Variants in ERICH5 observed in about 807,000 individuals in gnomAD.
ERICH5 encodes glutamate rich 5.
In ERICH5, 24 loss-of-function variants were observed where a neutral mutation model predicts 28.0. The observed-to-expected ratio is 0.86, with a 90% CI of 0.62 to 1.21. The LOEUF is 1.21. Ranked by LOEUF, ERICH5 falls within the 50% of genes most tolerant of loss-of-function variation. ERICH5 has a pLI of 0.00. For missense variants in ERICH5, 421 were observed against 441.2 expected (o/e 0.95, Z 0.41); for synonymous variants, 163 against 157.6 (o/e 1.03, Z -0.25).
chr8:98,082,660 A>G (rs1005044123), intron 1 of ERICH5, among the ~76,000 whole-genome samples: 1 of 151,276 alleles, frequency 6.6e-6, no homozygotes, highest in Non-Finnish European at 1.5e-5. Context: ...AAAAAAAAAA[A>G]GAATGAAAAT....
chr8:98,070,634 T>G (rs1319079532), intron 1 of ERICH5, among the ~76,000 whole-genome samples: 1 of 86,948 alleles, frequency 1.2e-5, no homozygotes, highest in African/African-American at 4.7e-5. Flanking sequence ...CACTCCAGCC[T>G]GGGCAACAAG....
intron 1 of ERICH5, among the ~76,000 whole-genome samples, chr8:98,072,945 C>CT (rs1188313095): frequency 6.6e-6 from 1 of 151,966 alleles, no homozygotes; most frequent in Non-Finnish European, 1.5e-5. Flanking sequence ...CACAGAGTTT[C>CT]TTTTTTGCTA....
chr8:98,071,039 G>T (rs1239730411), intron 1 of ERICH5, among the ~76,000 whole-genome samples: 1 of 152,066 alleles, frequency 6.6e-6, no homozygotes, highest in Non-Finnish European at 1.5e-5. Flanking sequence ...CGAGGCAGGT[G>T]GATCACCTGA....
At chr8:98,064,823 C>A in intron 1 of ERICH5, 96 bp downstream of exon 1, 2 of 957,388 alleles carry the variant, frequency 2.1e-6, no homozygotes, top group Non-Finnish European at 1.5e-6. Context: ...GGCCACCCCG[C>A]CTGGCAGGAG....
intron 1 of ERICH5, among the ~76,000 whole-genome samples, chr8:98,067,192 C>G (rs1033816716): frequency 1.3e-5 from 2 of 152,118 alleles, no homozygotes; most frequent in Non-Finnish European, 2.9e-5. Flanking sequence ...CCCAATGGCT[C>G]TGGAGGCTGA....
intron 1 of ERICH5, among the ~76,000 whole-genome samples, chr8:98,085,923 A>G (rs1016937477): frequency 6.6e-6 from 1 of 152,168 alleles, no homozygotes. Context: ...TTGTTAGATT[A>G]CTGCTTCTGA....
chr8:98,092,026 T>TTCCTTCCTTCCTTCCTTCCTTC (rs1412455600), intron 2 of ERICH5, among the ~76,000 whole-genome samples: 599 of 9,260 alleles, frequency 0.065, 16 homozygotes, highest in Non-Finnish European at 0.11. Flanking sequence ...TTCCTTCCTT[T>TTCCTTCCTTCCTTCCTTCCTTC]CGAGACAAGA....
chr8:98,072,954 T>C (rs1814945302), intron 1 of ERICH5, among the ~76,000 whole-genome samples: 1 of 152,204 alleles, frequency 6.6e-6, no homozygotes, highest in African/African-American at 2.4e-5. Context: ...TCTTTTTTGC[T>C]AATTTCCTTT....
intron 1 of ERICH5, among the ~76,000 whole-genome samples, chr8:98,073,511 T>A (rs1184199727): frequency 1.7e-4 from 1 of 6,050 alleles, no homozygotes; most frequent in African/African-American, 8.7e-4. Context: ...TATATATATA[T>A]ATATGTATAT....
In ERICH5 at chr8:98,076,494, C is replaced by A. The variant is rs74437317; in HGVS notation, c.58+11767C>A. ...CTTGGGAAAAAATCTCACTCCCCAG[C>A]GTGGAGCTCACTTAAACCAGCTCAG... On this transcript the variant is annotated intron_variant, in intron 1 of 2. Transcript: ENST00000318528. Among the ~76,000 whole-genome samples, 514 of 151,860 alleles carry A rather than the reference C, an allele frequency of 3.4e-3. 5 individuals are homozygous for A. The highest frequency in any genetic ancestry group is 3.7e-3 in the Non-Finnish European group (251 of 67,966).
chr8:98,087,174 C>T (rs1393169490), intron 1 of ERICH5, among the ~76,000 whole-genome samples: 2 of 152,002 alleles, frequency 1.3e-5, no homozygotes, highest in Non-Finnish European at 2.9e-5. Context: ...CCACGTGGGA[C>T]CACATCTCTA....
At position 98,064,693 on chromosome 8, in the gene ERICH5, C is replaced by T. The variant is rs1386797168; in HGVS notation, c.24C>T (p.Leu8=). 1.3e-6 allele frequency: 2 copies of T among 1,536,678 alleles called. No homozygotes were observed. The highest frequency in any genetic ancestry group is 1.7e-6 in the Non-Finnish European group (2 of 1,144,056). The part of the protein sequence containing the change: MGCSSSA[L]NKAGDSSRFP... The stretch of plus-strand genomic sequence containing the variant: ...CAATGGGCTGCTCCAGCAGCGCCCT[C>T]AACAAGGCCGGCGACAGCAGCAGGT... Residue 8 remains leucine, a synonymous_variant, in exon 1 of 3, where the codon CTC becomes CTT. Transcript: ENST00000318528.
chr8:98,080,673 C>T (rs951388858), intron 1 of ERICH5, among the ~76,000 whole-genome samples: 2 of 149,738 alleles, frequency 1.3e-5, no homozygotes, highest in African/African-American at 2.5e-5. Context: ...TTCTCCTTCT[C>T]CTTCTTCTTC....
In ERICH5 at chr8:98,089,418, C is replaced by G. The variant is rs1815341967; in HGVS notation, c.401C>G (p.Ala134Gly). Residue 134 changes from alanine (A) to glycine (G), a missense_variant, in exon 2 of 3, where the codon GCA (alanine) becomes GGA (glycine). By Grantham distance (60) the Ala-to-Gly change is moderately conservative. Coordinates refer to ENST00000318528, the MANE Select transcript of ERICH5 (RefSeq NM_173549.3). The part of the protein sequence containing the change: ...APAAEGKKKD[A>G]GAGTEAESLK... ...GCAGCAGAAGGAAAGAAGAAAGATG[C>G]AGGAGCAGGGACAGAGGCCGAGTCT... 6.2e-7 allele frequency: 1 copy of G among 1,614,194 alleles called. No homozygotes were observed. The highest frequency in any genetic ancestry group is 8.5e-7 in the Non-Finnish European group (1 of 1,180,046).
At chr8:98,082,473 C>T (rs1815201264) in intron 1 of ERICH5, among the ~76,000 whole-genome samples, 1 of 151,956 alleles carries the variant, frequency 6.6e-6, no homozygotes, top group East Asian at 1.9e-4. Context: ...TGGAGAAACC[C>T]CATCTCTCCT....
intron 1 of ERICH5, among the ~76,000 whole-genome samples, chr8:98,066,833 T>C (rs1333383789): frequency 6.6e-6 from 1 of 152,222 alleles, no homozygotes; most frequent in East Asian, 1.9e-4. Flanking sequence ...AATAATTCAT[T>C]CCTGTTTCTG....
At position 98,086,721 on chromosome 8, in the gene ERICH5, C is replaced by T. The variant is rs557846892; in HGVS notation, c.59-2355C>T. Among the ~76,000 whole-genome samples the T allele has an allele frequency of 2.8e-3, 419 of 152,048 alleles. 1 individual carries two copies. The highest frequency in any genetic ancestry group is 5.0e-3 in the Non-Finnish European group (342 of 67,962). ...ATCCCAGCACTTTGGGAGGCTGAGG[C>T]GGGTGGATCACGAGGTCATGAGATC... On this transcript the variant is annotated intron_variant, in intron 1 of 2. Transcript: ENST00000318528.
At chr8:98,085,638 A>G (rs1307233997) in intron 1 of ERICH5, among the ~76,000 whole-genome samples, 2 of 152,186 alleles carry the variant, frequency 1.3e-5, no homozygotes, top group Non-Finnish European at 2.9e-5. Context: ...TGGTGCATGT[A>G]TATTTATTTA....
intron 1 of ERICH5, among the ~76,000 whole-genome samples, chr8:98,086,773 A>AC (rs1715135184): frequency 6.6e-6 from 1 of 152,024 alleles, no homozygotes; most frequent in Admixed American, 6.6e-5. Flanking sequence ...ACATGGTGAA[A>AC]CCCCATCTCT....
Sources: gnomAD v4.1 joint callset for allele counts (sites outside exome capture counted in the v4.1 genomes callset) on GRCh38, gnomAD v4.1.1 for gene constraint, MANE v1.5 for transcripts, NCBI Gene and HGNC (gene_info 2026-07-23, HGNC 2026-07-21) for gene names.